The following NEU3 variants were observed in gnomAD, a reference collection of about 807,000 sequenced individuals.
NEU3 encodes the protein neuraminidase 3.
A neutral mutation model predicts 11.4 loss-of-function variants in NEU3; 10 were observed. The ratio of observed to expected loss-of-function variants is 0.88; its 90% confidence interval spans 0.54 to 1.49. The LOEUF (loss-of-function observed/expected upper bound fraction) is 1.49. NEU3 is among the 40% of genes most tolerant of loss of function. The probability of loss-of-function intolerance (pLI) is 0.00; values close to 1 mark genes in which losing one functional copy is unlikely to be tolerated. For missense variants in NEU3, 529 were observed against 581.8 expected, an observed-to-expected ratio of 0.91 and a Z score of 0.93; for synonymous variants, 212 against 228.2, an observed-to-expected ratio of 0.93 and a Z score of 0.64.
In NEU3 at chr11:75,006,316, T is replaced by G. The variant is rs757950196; in HGVS notation, c.1210T>G (p.Ser404Ala). 1 of 1,614,010 alleles carries G rather than the reference T, an allele frequency of 6.2e-7. No individual in the cohort carries two copies. Among genetic ancestry groups the G allele is most frequent in the Admixed American group, 1.7e-5 (1 of 60,030 alleles). ...WILHCGPCGY[S>A]DLAALEEEGL... is the part of the protein sequence containing the mutation. ...CTTGCACTGTGGGCCCTGTGGCTAC[T>G]CTGATCTGGCTGCTCTGGAGGAGGA... Residue 404 changes from serine to alanine, a missense_variant, in exon 3 of 3, where the codon TCT (serine) becomes GCT (alanine). Physicochemically the swap from Ser to Ala is moderately conservative, Grantham distance 99 (BLOSUM62 1). Transcript: ENST00000294064.
At chr11:75,019,091 G>A (rs186506905), downstream of NEU3, among the ~76,000 whole-genome samples, 588 of 152,334 alleles carry the variant, frequency 3.9e-3, 7 homozygotes, top group Middle Eastern at 0.037. Flanking sequence ...TCTAAGTGGC[G>A]AAGCATTCAA....
At chr11:74,985,237 A>G (rs1270310732), upstream of NEU3, among the ~76,000 whole-genome samples, 1 of 152,208 alleles carries the variant, frequency 6.6e-6, no homozygotes, top group Admixed American at 6.5e-5. Context: ...TAAGGCTTAA[A>G]GAATAATAAG....
chr11:75,012,790 C>T (rs182737497), downstream of NEU3, among the ~76,000 whole-genome samples: 1 of 152,194 alleles, frequency 6.6e-6, no homozygotes, highest in Non-Finnish European at 1.5e-5. Flanking sequence ...AAAGTAGCAA[C>T]GAGCACTGTG....
chr11:74,994,997 T>C lies in NEU3; in HGVS notation c.306+277T>C. On this transcript the variant is annotated intron_variant, in intron 2 of 2. Transcript: ENST00000294064. The stretch of plus-strand genomic sequence containing the variant: ...AGAGAGGTTGCCATTTGCTCAAGGT[T>C]ATACAGCTATAATAAAGCAGTAGAA... 4.9e-6 allele frequency: 3 copies of C among 608,952 alleles called. No homozygotes were observed. The East Asian group carries it at 8.2e-5, about 17-fold the overall frequency. 37.7% of individuals were successfully genotyped at this position (608,952 alleles called of 1,614,324 possible).
At chr11:75,004,311 G>A in intron 2 of NEU3, 1 of 678,606 alleles carries the variant, frequency 1.5e-6, no homozygotes, top group Non-Finnish European at 2.7e-6. Context: ...TTAGAGATGG[G>A]GTTTTGCCAT....
intron 2 of NEU3, among the ~76,000 whole-genome samples, chr11:75,004,824 A>C (rs533855304): frequency 6.6e-6 from 1 of 151,860 alleles, no homozygotes; most frequent in South Asian, 2.1e-4. Context: ...AGGGAAAAAA[A>C]TTTGTCTTAA....
At chr11:74,997,877 A>G (rs1319313066) in intron 2 of NEU3, among the ~76,000 whole-genome samples, 1 of 150,890 alleles carries the variant, frequency 6.6e-6, no homozygotes, top group Non-Finnish European at 1.5e-5. Context: ...AAAAAAAAGA[A>G]CTTTTTCTTT....
intron 2 of NEU3, among the ~76,000 whole-genome samples, chr11:74,998,873 C>T (rs985415037): frequency 6.6e-6 from 1 of 152,218 alleles, no homozygotes; most frequent in African/African-American, 2.4e-5. Flanking sequence ...GCCCTACAGC[C>T]CAGTAGTACT....
At chr11:74,994,380 T>A in intron 1 of NEU3, 129 bp from the exon 2 acceptor site, 1 of 609,134 alleles carries the variant, frequency 1.6e-6, no homozygotes, top group South Asian at 2.7e-5. Flanking sequence ...TATTCTTGTA[T>A]AAAGAAACAT....
chr11:74,989,746 A>C (rs182617526), intron 1 of NEU3, among the ~76,000 whole-genome samples: 23 of 152,352 alleles, frequency 1.5e-4, no homozygotes, highest in Non-Finnish European at 2.9e-4. Context: ...TTTATAAGTG[A>C]GGAAACTGAA....
chr11:75,002,963 C>T (rs12577127), intron 2 of NEU3, among the ~76,000 whole-genome samples: 37,561 of 152,038 alleles, frequency 0.25, 5,656 homozygotes, highest in East Asian at 0.54. Context: ...ATCCATTTTA[C>T]TGTTGTTGGA....
chr11:74,990,078 G>C (rs1191584083), intron 1 of NEU3: 2 of 689,910 alleles, frequency 2.9e-6, no homozygotes, highest in Admixed American at 2.1e-5. Flanking sequence ...TTGTTATAGT[G>C]ATAATAAAGC....
chr11:74,999,056 T>C (rs928191654), intron 2 of NEU3, among the ~76,000 whole-genome samples: 1 of 152,200 alleles, frequency 6.6e-6, no homozygotes, highest in Non-Finnish European at 1.5e-5. Context: ...TCAAGCAATT[T>C]TCCTATCTCA....
At chr11:75,020,610 A>T (rs891926366), downstream of NEU3, among the ~76,000 whole-genome samples, 6 of 152,122 alleles carry the variant, frequency 3.9e-5, no homozygotes, top group Admixed American at 6.5e-5. Context: ...CTTGTCTTCC[A>T]CCATTATTGT....
Position 74,989,294 on chromosome 11 carries a change from G to A in NEU3, c.94+140G>A. On this transcript the variant is annotated intron_variant, in intron 1 of 2. Transcript: ENST00000294064. ...ACCTAGTCGGCTAGGATCTGACCTGGCCAGAGAATTCTTGGCTAGTCCTAT... is the reference window on the plus strand; with the variant it reads ...ACCTAGTCGGCTAGGATCTGACCTGACCAGAGAATTCTTGGCTAGTCCTAT... 6.0e-6 allele frequency: 4 copies of A among 669,096 alleles called. No homozygotes were observed. The South Asian group carries it at 7.4e-5, about 12-fold the overall frequency. The allele number at this position is 669,096 out of a possible 1,614,324, so 41.4% of individuals were successfully genotyped here.
intron 2 of NEU3, among the ~76,000 whole-genome samples, chr11:74,999,792 G>T (rs1049823876): frequency 6.6e-6 from 1 of 152,130 alleles, no homozygotes; most frequent in East Asian, 1.9e-4. Context: ...GCCTTCTGGG[G>T]CAGTCAGTCT....
At position 75,006,099 on chromosome 11, in the gene NEU3, T is replaced by C. The variant is rs1948896397; in HGVS notation, c.993T>C (p.Ser331=). The C allele has an allele frequency of 6.2e-7, 1 of 1,613,826 alleles. No homozygotes were observed. The highest frequency in any genetic ancestry group is 1.3e-5 in the African/African-American group (1 of 74,892). Reference sequence around the variant, plus strand: ...AGATCCCACATAGGTGCCAGGACTCTAGCAGCAAAGATGCACCCACCATTC... The same window carrying C: ...AGATCCCACATAGGTGCCAGGACTCCAGCAGCAAAGATGCACCCACCATTC... The part of the protein sequence containing the change: ...PLEIPHRCQD[S]SSKDAPTIQQ... Residue 331 remains serine (S), a synonymous_variant, in exon 3 of 3, where the codon TCT becomes TCC. Coordinates refer to ENST00000294064, the MANE Select transcript of NEU3 (RefSeq NM_006656.6).
At chr11:74,992,682 G>A (rs1948745475) in intron 1 of NEU3, among the ~76,000 whole-genome samples, 2 of 152,162 alleles carry the variant, frequency 1.3e-5, no homozygotes, top group Non-Finnish European at 2.9e-5. Flanking sequence ...AAAGCCGGCC[G>A]GGCACGGTGG....
chr11:75,000,048 T>A (rs1185824520), intron 2 of NEU3, among the ~76,000 whole-genome samples: 1 of 152,164 alleles, frequency 6.6e-6, no homozygotes, highest in Admixed American at 6.5e-5. Flanking sequence ...AACTTGGGAC[T>A]CCAAGGGTAG....
Sources: allele counts gnomAD v4.1 joint callset (sites outside exome capture counted in the v4.1 genomes callset), GRCh38; gene constraint gnomAD v4.1.1; transcripts MANE v1.5; gene names NCBI Gene and HGNC (gene_info 2026-07-23, HGNC 2026-07-21).